ABCC9: variants seen among roughly 807,000 people sequenced by gnomAD.
ABCC9 encodes the protein ATP-binding cassette sub-family C member 9.
In ABCC9, 95 loss-of-function variants were observed where a neutral mutation model predicts 188.3. That is an observed-to-expected ratio of 0.50 (90% CI 0.43 to 0.60). ABCC9 has a LOEUF of 0.60. Ranked by LOEUF, ABCC9 falls within the 20% of genes least tolerant of loss-of-function variation. The pLI, the probability that ABCC9 is intolerant of heterozygous loss-of-function variation, is 0.00. For synonymous variants in ABCC9, 659 were observed against 652.7 expected, an observed-to-expected ratio of 1.01 and a Z score of -0.15; for missense variants, 1,102 against 1,876.3, an observed-to-expected ratio of 0.59 and a Z score of 7.62.
intron 22 of ABCC9, among the ~76,000 whole-genome samples, chr12:21,855,087 T>C (rs1945152983): frequency 6.6e-6 from 1 of 152,176 alleles, no homozygotes; most frequent in African/African-American, 2.4e-5. Flanking sequence ...CAAGAATAAT[T>C]TGTGACGTAG....
At chr12:21,852,011 A>T (rs1691193206) in intron 24 of ABCC9, 86 bp downstream of exon 24, 1 of 1,508,842 alleles carries the variant, frequency 6.6e-7, no homozygotes, top group African/African-American at 1.4e-5. Context: ...TTAAATGGTA[A>T]TTTTTTAAAA....
chr12:21,935,089 C>T (rs972531708), intron 3 of ABCC9, among the ~76,000 whole-genome samples: 1 of 152,008 alleles, frequency 6.6e-6, no homozygotes, highest in Non-Finnish European at 1.5e-5. Context: ...ACAATGTCCC[C>T]TCAAATTCTC....
chr12:21,805,058 A>T, intron 39 of ABCC9: 3 of 1,387,748 alleles, frequency 2.2e-6, no homozygotes, highest in Non-Finnish European at 3.1e-6. Context: ...CCCTGCAGTT[A>T]GTTCCCTCAT....
In ABCC9 at chr12:21,908,119, G is replaced by A; in HGVS notation, c.1413C>T (p.Tyr471=). Residue 471 remains tyrosine, a synonymous_variant, in exon 11 of 40, where the codon TAC becomes TAT. Transcript: ENST00000261200. The part of the protein sequence containing the change: ...AVIVLLAPIQ[Y]FIATKLAEAQ... ...CCTCTGCCAACTTTGTAGCAATAAA[G>A]TACTGAATTGGCGCAAGGAGCACAA... The A allele has an allele frequency of 6.2e-7, 1 of 1,612,518 alleles. No individual in the cohort carries two copies. The highest frequency in any genetic ancestry group is 8.5e-7 in the Non-Finnish European group (1 of 1,179,002).
chr12:21,861,570 G>A (rs984452645), intron 20 of ABCC9, among the ~76,000 whole-genome samples: 1 of 152,048 alleles, frequency 6.6e-6, no homozygotes, highest in African/African-American at 2.4e-5. Flanking sequence ...CGGAGCAGAA[G>A]ACTGATACAA....
At chr12:21,900,571 A>G (rs1393841593) in intron 12 of ABCC9, among the ~76,000 whole-genome samples, 1 of 152,206 alleles carries the variant, frequency 6.6e-6, no homozygotes, top group Non-Finnish European at 1.5e-5. Flanking sequence ...AAAAAAGATT[A>G]GACAAATGAC....
intron 30 of ABCC9, among the ~76,000 whole-genome samples, chr12:21,833,774 G>A (rs1386870895): frequency 6.6e-6 from 1 of 152,114 alleles, no homozygotes; most frequent in Non-Finnish European, 1.5e-5. Flanking sequence ...AAGCTGAAGT[G>A]GTCTTCACAC....
At chr12:21,834,982 A>T (rs1281957706) in intron 30 of ABCC9, among the ~76,000 whole-genome samples, 1 of 152,024 alleles carries the variant, frequency 6.6e-6, no homozygotes. Flanking sequence ...TAAACAAGGC[A>T]TTGGTTTGGA....
intron 18 of ABCC9, among the ~76,000 whole-genome samples, chr12:21,864,943 C>T (rs138274652): frequency 6.6e-6 from 1 of 152,164 alleles, no homozygotes; most frequent in East Asian, 1.9e-4. Context: ...GAAAGATACA[C>T]AAAACACACT....
chr12:21,899,116 C>T (rs1947581764), intron 12 of ABCC9, among the ~76,000 whole-genome samples: 1 of 152,136 alleles, frequency 6.6e-6, no homozygotes, highest in African/African-American at 2.4e-5. Context: ...TAAACACACT[C>T]TTTGAGGCTG....
chr12:21,828,340 T>C (rs1943513374), intron 31 of ABCC9: 1 of 155,328 alleles, frequency 6.4e-6, no homozygotes, highest in African/African-American at 2.4e-5. Flanking sequence ...CTTGAATGCA[T>C]TTGCCAATCA....
At chr12:21,821,236 A>C (rs569993465) in intron 31 of ABCC9, among the ~76,000 whole-genome samples, 2 of 152,264 alleles carry the variant, frequency 1.3e-5, no homozygotes, top group East Asian at 3.9e-4. Context: ...TTTTTTGATA[A>C]AGTGGGAAGT....
intron 15 of ABCC9, among the ~76,000 whole-genome samples, chr12:21,884,962 T>C (rs1436133129): frequency 2.6e-5 from 4 of 152,202 alleles, no homozygotes; most frequent in African/African-American, 9.6e-5. Context: ...TACTGTCTTC[T>C]AGAGTCTTTA....
At chr12:21,903,043 A>G (rs986697759) in intron 12 of ABCC9, among the ~76,000 whole-genome samples, 4 of 152,238 alleles carry the variant, frequency 2.6e-5, no homozygotes, top group African/African-American at 9.6e-5. Context: ...AAAATCCTCA[A>G]TAAAATACTG....
Position 21,798,043 on chromosome 12 carries a change from A to G in ABCC9, c.*3001T>C, listed in dbSNP as rs1405291146. On this transcript the variant is annotated 3_prime_UTR_variant, in exon 40 of 40. Transcript: ENST00000261200. ...AATAAATGGTTAATCAATGAAAAAC[A>G]TTATCCTTGACCTTATTTAGTCAAT... is the stretch of plus-strand genomic sequence containing the variant. 6.6e-6 allele frequency: 1 copy of G among 152,192 alleles called. No individual in the cohort carries two copies. The highest frequency in any genetic ancestry group is 2.4e-5 in the African/African-American group (1 of 41,458). The allele number at this position is 152,192 out of a possible 1,614,324, so 9.4% of individuals were successfully genotyped here. A position where few individuals can be genotyped will look rare whatever the true frequency, so the allele number is the denominator to read the frequency against.
At chr12:21,932,857 C>T (rs540461673) in intron 4 of ABCC9, among the ~76,000 whole-genome samples, 1 of 151,700 alleles carries the variant, frequency 6.6e-6, no homozygotes, top group African/African-American at 2.4e-5. Context: ...AACAGAAATA[C>T]CATTTGACAC....
rs1591934167 is a variant in ABCC9 at position 21,807,082 on chromosome 12, A to C, written c.4449+264T>G. ...TACCTCTCATCAACTAAGCCCTGGA[A>C]ATTTACTGTTCTGAAAATTTTTCAA... On this transcript the variant is annotated intron_variant, in intron 38 of 39. Transcript: ENST00000261200. Among the ~76,000 whole-genome samples the C allele has an allele frequency of 2.0e-5, 3 of 152,232 alleles. No individual in the cohort carries two copies. In the East Asian group the frequency reaches 5.8e-4, roughly 29 times the overall value.
intron 26 of ABCC9, among the ~76,000 whole-genome samples, chr12:21,845,350 T>A (rs1046453285): frequency 7.2e-6 from 1 of 138,802 alleles, no homozygotes; most frequent in Non-Finnish European, 1.7e-5. Context: ...ATGTATAAAC[T>A]CTCTTGAATA....
At chr12:21,895,179 G>T in intron 13 of ABCC9, 96 bp downstream of exon 13, 1 of 1,079,710 alleles carries the variant, frequency 9.3e-7, no homozygotes, top group African/African-American at 1.6e-5. Flanking sequence ...TCACAGAGGT[G>T]AGGTAATATA....
Sources: allele counts gnomAD v4.1 joint callset (sites outside exome capture counted in the v4.1 genomes callset), GRCh38; gene constraint gnomAD v4.1.1; transcripts MANE v1.5; gene names NCBI Gene and HGNC (gene_info 2026-07-23, HGNC 2026-07-21).